Variants in RASAL1 observed in about 807,000 individuals in gnomAD.
RASAL1 encodes rasGAP-activating-like protein 1.
In RASAL1, 72 loss-of-function variants were observed where a neutral mutation model predicts 96.6. The ratio of observed to expected loss-of-function variants is 0.75; its 90% CI spans 0.62 to 0.91. RASAL1 has a LOEUF of 0.91. Ranked by LOEUF, RASAL1 falls within the 40% of genes least tolerant of loss-of-function variation. RASAL1 has a pLI of 0.00. For synonymous variants in RASAL1, 405 were observed against 430.4 expected (o/e 0.94, Z 0.73); for missense variants, 1,016 against 1,072.5 (o/e 0.95, Z 0.74).
At chr12:113,103,780 C>G (rs1950544318) in intron 18 of RASAL1, 166 bp downstream of exon 18, 2 of 898,188 alleles carry the variant, frequency 2.2e-6, no homozygotes, top group Non-Finnish European at 3.4e-6. Flanking sequence ...ATCACAACTC[C>G]ACGAGATAGG....
At chr12:113,114,716 G>A in intron 12 of RASAL1, 84 bp downstream of exon 12, 1 of 1,195,040 alleles carries the variant, frequency 8.4e-7, no homozygotes. Context: ...GTGGGTGGCA[G>A]TCAGCATGAA....
intron 13 of RASAL1, 33 bp downstream of exon 13, chr12:113,112,053 T>A (rs1256495604): frequency 8.1e-7 from 1 of 1,234,590 alleles, no homozygotes; most frequent in African/African-American, 1.6e-5. Context: ...AGCTCCGGCC[T>A]GTCCCCAGCC....
chr12:113,135,426 C>T lies in RASAL1; in HGVS notation c.37G>A (p.Glu13Lys). 6.2e-7 allele frequency: 1 copy of T among 1,610,300 alleles called. No homozygotes were observed. The highest frequency in any genetic ancestry group is 8.5e-7 in the Non-Finnish European group (1 of 1,178,794). Residue 13 changes from glutamate (E) to lysine (K), a missense_variant, in exon 1 of 21, where the codon GAG (glutamate) becomes AAG (lysine). By Grantham distance (56) the Glu-to-Lys change is moderately conservative. Transcript: ENST00000548055. This position sits in a 1 kb window ranked among gnomAD's most constrained non-coding sequence, Gnocchi z 5.7. ...TCCTTGGCAGGCAGCGCGCGGCCCTCCACCACGCGAACATTCAGGGAGCTG... is the reference window on the plus strand; with the variant it reads ...TCCTTGGCAGGCAGCGCGCGGCCCTTCACCACGCGAACATTCAGGGAGCTG... ...KSSSLNVRVV[E>K]GRALPAKDVS...
Position 113,103,961 on chromosome 12 carries a change from G to A in RASAL1, c.2089C>T (p.Gln697Ter), listed in dbSNP as rs940752800. The A allele has an allele frequency of 7.1e-6, 11 of 1,559,648 alleles. No homozygotes were observed. The African/African-American group carries it at 1.5e-4, about 21-fold the overall frequency. ...FRSARWTCCL[Q>*]AERSAAGCSR... ...GCCCCCTCACCTGAGCGCTCAGCCT[G>A]GAGGCAGCAGGTCCAGCGCGCGCTG... Residue 697 changes from glutamine (Q) to a stop codon, truncating the protein, a stop_gained, in exon 18 of 21, where the codon CAG (glutamine) becomes TAG (stop). Coordinates refer to ENST00000548055, the MANE Select transcript of RASAL1 (RefSeq NM_001301202.2). LOFTEE classifies it high-confidence loss of function.
At chr12:113,109,560 TC>T (rs1313449192) in intron 13 of RASAL1, among the ~76,000 whole-genome samples, 3 of 152,078 alleles carry the variant, frequency 2.0e-5, no homozygotes, top group South Asian at 4.1e-4. Flanking sequence ...TGCATCTTGC[TC>T]CCCCCAAACC....
chr12:113,117,398 C>T (rs1951127861), intron 7 of RASAL1, among the ~76,000 whole-genome samples: 1 of 152,172 alleles, frequency 6.6e-6, no homozygotes, highest in Non-Finnish European at 1.5e-5. Context: ...AACTGAGGCT[C>T]AGCGATGTGG....
chr12:113,131,968 CTTTTTTTTTTT>C lies in RASAL1; in HGVS notation c.66-1038_66-1028del, dbSNP rs34936583. On this transcript the variant is annotated intron_variant, in intron 1 of 20. Transcript: ENST00000548055. ...CATCTTCTTTCTTCTTCTTCTTCTT[CTTTTTTTTTTT>C]TTTTTTTTTTGAGACAGAGTCTCAC... Among the ~76,000 whole-genome samples the C allele has an allele frequency of 2.5e-5, 3 of 118,716 alleles. No homozygotes were observed. The Admixed American group carries it at 2.6e-4, about 10-fold the overall frequency. 77.9% of individuals were successfully genotyped at this position (118,716 alleles called of 152,430 possible). A position where few individuals can be genotyped will look rare whatever the true frequency, so the allele number is the denominator to read the frequency against.
At chr12:113,103,327 C>G (rs997555372) in intron 18 of RASAL1, among the ~76,000 whole-genome samples, 1 of 151,486 alleles carries the variant, frequency 6.6e-6, no homozygotes, top group East Asian at 1.9e-4. Context: ...AACAAAAGGC[C>G]GGGCACGGTG....
Position 113,115,666 on chromosome 12 carries a change from G to C in RASAL1, c.972C>G (p.Asp324Glu), listed in dbSNP as rs1349010248. The C allele has an allele frequency of 9.3e-6, 15 of 1,613,762 alleles. No individual in the cohort carries two copies. In the Admixed American group the frequency reaches 2.3e-4, roughly 25 times the overall value. The change falls in exon 10 of 21, where the codon GAC (aspartate) becomes GAG (glutamate). Residue 324 changes from aspartate to glutamate, a missense_variant. Asp to Glu is a conservative substitution (Grantham distance 45). Transcript: ENST00000548055. The surrounding 1 kb of genome is among the most constrained non-coding windows in gnomAD (Gnocchi z 4.1). ...LGRGLAGRFL[D>E]YLTRREVART... is the part of the protein sequence containing the mutation. Reference sequence around the variant, plus strand: ...GAGCCACCTCACGCCGGGTGAGATAGTCCAGAAAGCGCCCAGCCAGTCCCC... The same window carrying C: ...GAGCCACCTCACGCCGGGTGAGATACTCCAGAAAGCGCCCAGCCAGTCCCC...
At chr12:113,121,728 T>G (rs142526299) in intron 4 of RASAL1, 90 bp from the exon 5 acceptor site, 1 of 1,088,546 alleles carries the variant, frequency 9.2e-7, no homozygotes, top group Non-Finnish European at 1.2e-6. Context: ...TTATTTTCAT[T>G]TTTTTTTTTT....
At chr12:113,131,965 CTTCTTTTTT>C (rs1214563640) in intron 1 of RASAL1, among the ~76,000 whole-genome samples, 1 of 142,510 alleles carries the variant, frequency 7.0e-6, no homozygotes, top group Non-Finnish European at 1.5e-5. Context: ...TCTTCTTCTT[CTTCTTTTTT>C]TTTTTTTTTT....
At position 113,129,719 on chromosome 12, in the gene RASAL1, C is replaced by T. The variant is rs1350463214; in HGVS notation, c.122+1166G>A. On this transcript the variant is annotated intron_variant, in intron 2 of 20. Transcript: ENST00000548055. This position sits in a 1 kb window ranked among gnomAD's most constrained non-coding sequence, Gnocchi z 5.0. ...GAAAGAGTGCACATATGCGCGCGTG[C>T]GCGCACACACACACACACACCCCGC... 3.3e-5 allele frequency among the ~76,000 whole-genome samples: 5 copies of T among 152,088 alleles called. No homozygotes were observed. Among genetic ancestry groups the T allele is most frequent in the South Asian group, 2.1e-4 (1 of 4,824 alleles).
At chr12:113,127,430 G>C (rs77196406) in intron 4 of RASAL1, among the ~76,000 whole-genome samples, 1 of 152,240 alleles carries the variant, frequency 6.6e-6, no homozygotes, top group African/African-American at 2.4e-5. Context: ...AGGATTGCTT[G>C]AGCCCAGGAG....
At chr12:113,125,374 A>G (rs1951443284) in intron 4 of RASAL1, among the ~76,000 whole-genome samples, 11 of 152,220 alleles carry the variant, frequency 7.2e-5, no homozygotes, top group Admixed American at 7.2e-4. Context: ...TAACTGCCCA[A>G]ATATGTAAAG....
rs759336849 is a variant in RASAL1 at position 113,104,234 on chromosome 12, TG to T, written c.1894del (p.Gln632AsnfsTer5). 9 of 1,605,666 alleles carry T rather than the reference TG, an allele frequency of 5.6e-6. No homozygotes were observed. In the East Asian group the frequency reaches 2.0e-4, roughly 36 times the overall value. On this transcript the variant is annotated frameshift_variant, in exon 17 of 21. Transcript: ENST00000548055. LOFTEE classifies it high-confidence loss of function. ...AVERVDEGAF[Q>X]LPHVMQVVTQ... ...CACCACCTGCATCACGTGGGGCAGT[TG>T]GAAGGCGCCCTCGTCTACGCGCTCC... is the stretch of plus-strand genomic sequence containing the variant.
intron 12 of RASAL1, among the ~76,000 whole-genome samples, chr12:113,114,334 C>G (rs541799516): frequency 6.6e-6 from 1 of 151,772 alleles, no homozygotes; most frequent in South Asian, 2.1e-4. Flanking sequence ...CTTAGCTGGG[C>G]ATGGTGGTGT....
intron 18 of RASAL1, 118 bp downstream of exon 18, chr12:113,103,828 A>G: frequency 7.7e-7 from 1 of 1,297,312 alleles, no homozygotes; most frequent in Non-Finnish European, 1.1e-6. Flanking sequence ...GAGGAGACTG[A>G]GGCATAGAGA....
At chr12:113,136,750 G>A (rs575558274), upstream of RASAL1, among the ~76,000 whole-genome samples, 1 of 152,326 alleles carries the variant, frequency 6.6e-6, no homozygotes, top group East Asian at 1.9e-4. Context: ...CCTAATACAC[G>A]TCCAGAAAGT....
rs569656296 is a variant in RASAL1, at chr12:113,100,459, C to T, written c.2278+169G>A. 4.6e-5 allele frequency among the ~76,000 whole-genome samples: 7 copies of T among 152,236 alleles called. No individual in the cohort carries two copies. In the South Asian group the frequency reaches 1.2e-3, roughly 27 times the overall value. On this transcript the variant is annotated intron_variant, in intron 20 of 20. Transcript: ENST00000548055. ...GATCACAGGTGTGCACCACCACGCC[C>T]GGCTAATTTTTAAATTTTTAGTAGA...
Sources: allele counts gnomAD v4.1 joint callset (sites outside exome capture counted in the v4.1 genomes callset), GRCh38; gene constraint gnomAD v4.1.1; non-coding constraint Gnocchi (gnomAD v3.1); transcripts MANE v1.5; gene names NCBI Gene and HGNC (gene_info 2026-07-23, HGNC 2026-07-21).